The following NEK11 variants were observed in gnomAD, a reference collection of about 807,000 sequenced individuals.
NEK11 encodes NIMA related kinase 11.
Under a neutral mutation model 80.7 loss-of-function variants are expected in NEK11, and 72 were observed. The ratio of observed to expected loss-of-function variants is 0.89; its 90% CI spans 0.74 to 1.08. NEK11 has a LOEUF of 1.08. NEK11 is among the 50% of genes least tolerant of loss of function. The pLI is 0.00. For synonymous variants in NEK11, 251 were observed against 260.7 expected, an observed-to-expected ratio of 0.96 and a Z score of 0.36; for missense variants, 764 against 763.6, an observed-to-expected ratio of 1.00 and a Z score of -0.01.
chr3:131,265,980 A>G (rs2108553128), intron 16 of NEK11, among the ~76,000 whole-genome samples: 1 of 152,300 alleles, frequency 6.6e-6, no homozygotes, highest in Non-Finnish European at 1.5e-5. Context: ...CATTTCTTCT[A>G]GATTTTCTAG....
At chr3:131,296,813 C>A (rs939163746) in intron 17 of NEK11, among the ~76,000 whole-genome samples, 3 of 151,454 alleles carry the variant, frequency 2.0e-5, no homozygotes, top group African/African-American at 7.3e-5. Flanking sequence ...CCTCCCCACT[C>A]CCCCCACCCC....
intron 10 of NEK11, among the ~76,000 whole-genome samples, chr3:131,156,573 C>T (rs2090676421): frequency 6.6e-6 from 1 of 152,178 alleles, no homozygotes; most frequent in African/African-American, 2.4e-5. Context: ...ATTGTGTCTT[C>T]TATTCCAGGC....
At chr3:131,104,351 G>A (rs937368680) in intron 4 of NEK11, among the ~76,000 whole-genome samples, 5 of 152,164 alleles carry the variant, frequency 3.3e-5, no homozygotes, top group Admixed American at 2.6e-4. Flanking sequence ...CCAATCAGGA[G>A]CAGCAAGTTC....
Sources: allele counts gnomAD v4.1 joint callset (sites outside exome capture counted in the v4.1 genomes callset), GRCh38; gene constraint gnomAD v4.1.1; transcripts MANE v1.5; gene names NCBI Gene and HGNC (gene_info 2026-07-23, HGNC 2026-07-21).